The following ATRNL1 variants were observed in gnomAD, a reference collection of about 807,000 sequenced individuals.
ATRNL1 encodes attractin like 1.
A neutral mutation model predicts 182.7 loss-of-function variants in ATRNL1; 95 were observed. The observed-to-expected ratio is 0.52, with a 90% CI of 0.44 to 0.62. The LOEUF is 0.62. Among genes scored for constraint, ATRNL1 ranks in the 20% least tolerant of loss-of-function variants. The pLI, the probability that ATRNL1 is intolerant of heterozygous loss-of-function variation, is 0.00. For synonymous variants in ATRNL1, 576 were observed against 568.3 expected, an observed-to-expected ratio of 1.01 and a Z score of -0.19; for missense variants, 1,471 against 1,679.5, an observed-to-expected ratio of 0.88 and a Z score of 2.17.
At chr10:115,886,202 G>A (rs899771958) in intron 28 of ATRNL1, among the ~76,000 whole-genome samples, 3 of 152,170 alleles carry the variant, frequency 2.0e-5, no homozygotes, top group Non-Finnish European at 2.9e-5. Context: ...TCACATGGAG[G>A]TAGCAGAGAT....
chr10:115,459,268 A>G lies in ATRNL1; in HGVS notation c.3323-2673A>G, dbSNP rs759764236. Among the ~76,000 whole-genome samples the G allele has an allele frequency of 2.6e-5, 4 of 152,282 alleles. No homozygotes were observed. The South Asian group carries it at 8.3e-4, about 32-fold the overall frequency. On this transcript the variant is annotated intron_variant, in intron 21 of 28. Transcript: ENST00000355044. ...CTGAAAAAAGAACAGAATAACAGCA[A>G]TTGTTCAGGGAATACGAGAGATAAC...
At chr10:115,415,655 A>G (rs1845354134) in intron 20 of ATRNL1, among the ~76,000 whole-genome samples, 1 of 151,872 alleles carries the variant, frequency 6.6e-6, no homozygotes. Flanking sequence ...AGGTTTTATT[A>G]TGTAATTAAC....
At chr10:115,587,608 C>A (rs553247567) in intron 26 of ATRNL1, among the ~76,000 whole-genome samples, 157 of 150,712 alleles carry the variant, frequency 1.0e-3, no homozygotes, top group African/African-American at 3.6e-3. Context: ...ATGCCTCGCC[C>A]GCTTCGGCTC....
chr10:115,387,047 G>A (rs567723620), intron 19 of ATRNL1, among the ~76,000 whole-genome samples: 2 of 151,840 alleles, frequency 1.3e-5, no homozygotes, highest in South Asian at 4.2e-4. Flanking sequence ...ACTGGATTAA[G>A]AAAATGTGGC....
intron 21 of ATRNL1, among the ~76,000 whole-genome samples, chr10:115,451,653 C>T (rs745416738): frequency 1.3e-4 from 20 of 152,138 alleles, no homozygotes; most frequent in Non-Finnish European, 2.6e-4. Context: ...CACTCATACA[C>T]TGTTGGTGGG....
intron 8 of ATRNL1, among the ~76,000 whole-genome samples, chr10:115,205,107 A>C (rs1554893474): frequency 6.6e-6 from 1 of 152,030 alleles, no homozygotes; most frequent in African/African-American, 2.4e-5. Flanking sequence ...TTCCTTAGCA[A>C]ATTATTGTAG....
chr10:115,160,262 A>G (rs1846718139), intron 6 of ATRNL1, 48 bp downstream of exon 6: 1 of 1,510,388 alleles, frequency 6.6e-7, no homozygotes, highest in African/African-American at 1.4e-5. Context: ...CTGGATTTTT[A>G]TCCAAAATGT....
chr10:115,701,864 G>A (rs1184378695), intron 26 of ATRNL1, among the ~76,000 whole-genome samples: 1 of 151,928 alleles, frequency 6.6e-6, no homozygotes, highest in Admixed American at 6.6e-5. Flanking sequence ...AATTCTACTA[G>A]ACATACAAAG....
intron 27 of ATRNL1, among the ~76,000 whole-genome samples, chr10:115,794,273 T>A (rs1949598882): frequency 6.6e-6 from 1 of 152,128 alleles, no homozygotes; most frequent in African/African-American, 2.4e-5. Context: ...CAGAGTAATT[T>A]GCCACCTGAC....
intron 19 of ATRNL1, among the ~76,000 whole-genome samples, chr10:115,368,804 C>T (rs1554947093): frequency 2.0e-5 from 3 of 151,952 alleles, no homozygotes; most frequent in South Asian, 4.2e-4. Context: ...ACCACCGCCT[C>T]CTGGGTTCAA....
chr10:115,587,068 G>T (rs1555010214), intron 26 of ATRNL1, among the ~76,000 whole-genome samples: 1 of 149,578 alleles, frequency 6.7e-6, no homozygotes, highest in East Asian at 2.0e-4. Context: ...GGCTGCTCGG[G>T]GGTCAGGGGT....
chr10:115,376,243 A>C (rs1268073285), intron 19 of ATRNL1, among the ~76,000 whole-genome samples: 2 of 151,930 alleles, frequency 1.3e-5, no homozygotes, highest in East Asian at 3.9e-4. Flanking sequence ...TTGATATGTG[A>C]TGATTCTGTT....
chr10:115,132,399 A>G (rs544278697), intron 5 of ATRNL1, among the ~76,000 whole-genome samples: 2 of 152,254 alleles, frequency 1.3e-5, no homozygotes, highest in East Asian at 1.9e-4. Context: ...ATATGTGTGC[A>G]TGTGTCTTTA....
At chr10:115,390,970 G>A (rs1843986622) in intron 19 of ATRNL1, among the ~76,000 whole-genome samples, 1 of 152,118 alleles carries the variant, frequency 6.6e-6, no homozygotes, top group Non-Finnish European at 1.5e-5. Flanking sequence ...GTGAAGGGAT[G>A]TTATTGATTT....
intron 28 of ATRNL1, among the ~76,000 whole-genome samples, chr10:115,879,080 G>A (rs1951764402): frequency 1.3e-5 from 2 of 151,790 alleles, no homozygotes; most frequent in African/African-American, 2.4e-5. Context: ...CCCCCCCAGG[G>A]GATACACATA....
At chr10:115,474,685 A>G (rs1332123537) in intron 24 of ATRNL1, among the ~76,000 whole-genome samples, 1 of 151,368 alleles carries the variant, frequency 6.6e-6, no homozygotes, top group Non-Finnish European at 1.5e-5. Context: ...TAAAGCATCC[A>G]CTAAGTAAAA....
intron 8 of ATRNL1, among the ~76,000 whole-genome samples, chr10:115,200,360 A>C (rs558677613): frequency 3.0e-5 from 4 of 131,936 alleles, no homozygotes; most frequent in South Asian, 2.9e-4. Flanking sequence ...TATATCTCCT[A>C]ATGCTATCCC....
At chr10:115,363,194 C>A (rs1263130321) in intron 19 of ATRNL1, among the ~76,000 whole-genome samples, 1 of 151,112 alleles carries the variant, frequency 6.6e-6, no homozygotes, top group African/African-American at 2.4e-5. Flanking sequence ...TGTTTCCTGA[C>A]TTTTTAATGA....
chr10:115,743,800 T>C (rs1020511589), intron 27 of ATRNL1, among the ~76,000 whole-genome samples: 84 of 1,016 alleles, frequency 0.083, no homozygotes, highest in African/African-American at 0.13. Flanking sequence ...ATTGTATGTG[T>C]ATTAAAATAC....
Sources: allele counts gnomAD v4.1 joint callset (sites outside exome capture counted in the v4.1 genomes callset), GRCh38; gene constraint gnomAD v4.1.1; transcripts MANE v1.5; gene names NCBI Gene and HGNC (gene_info 2026-07-23, HGNC 2026-07-21).